Variants in QTMAN observed in about 807,000 individuals in gnomAD.
QTMAN encodes the protein tRNA-queuosine alpha-mannosyltransferase.
the QTMAN span, among the ~76,000 whole-genome samples, chr2:144,231,410 G>A: frequency 3.9e-5 from 6 of 151,978 alleles, 1 homozygote; most frequent in South Asian, 1.2e-3. Context: ...ATTCAATTTT[G>A]CTGTTATCTC....
At chr2:144,148,939 T>A in the QTMAN span, among the ~76,000 whole-genome samples, 1 of 151,916 alleles carries the variant, frequency 6.6e-6, no homozygotes, top group South Asian at 2.1e-4. Context: ...CCATCATCTC[T>A]TTGCTTTTCT....
At chr2:144,330,431 T>C in the QTMAN span, among the ~76,000 whole-genome samples, 1 of 152,196 alleles carries the variant, frequency 6.6e-6, no homozygotes, top group Non-Finnish European at 1.5e-5. Context: ...AAATGACACA[T>C]GACTAAACCA....
chr2:144,108,332 AC>A, the QTMAN span, among the ~76,000 whole-genome samples: 1 of 152,186 alleles, frequency 6.6e-6, no homozygotes, highest in Non-Finnish European at 1.5e-5. Flanking sequence ...TTTGCAGATG[AC>A]ATGATTGTAT....
chr2:144,233,777 T>C, the QTMAN span, among the ~76,000 whole-genome samples: 2 of 152,168 alleles, frequency 1.3e-5, no homozygotes, highest in African/African-American at 4.8e-5. Flanking sequence ...AGAAACAAAG[T>C]TATGCCGAAG....
At chr2:144,273,105 T>C in the QTMAN span, among the ~76,000 whole-genome samples, 2 of 152,140 alleles carry the variant, frequency 1.3e-5, no homozygotes, top group East Asian at 3.8e-4. Flanking sequence ...ACCTTTCTAC[T>C]TCAGAAAGCT....
At chr2:143,959,973 T>G in the QTMAN span, among the ~76,000 whole-genome samples, 1 of 152,048 alleles carries the variant, frequency 6.6e-6, no homozygotes, top group Non-Finnish European at 1.5e-5. Flanking sequence ...AAAAAGAAAT[T>G]AAATCAGAAA....
chr2:144,208,477 T>G, the QTMAN span: 1 of 748,962 alleles, frequency 1.3e-6, no homozygotes, highest in South Asian at 1.9e-5. Flanking sequence ...TAAAGAAATA[T>G]CTACTATAGT....
the QTMAN span, among the ~76,000 whole-genome samples, chr2:144,123,890 T>C: frequency 6.6e-5 from 10 of 152,210 alleles, no homozygotes; most frequent in African/African-American, 2.4e-4. Flanking sequence ...GACAAAGATA[T>C]AGGATCTAGA....
the QTMAN span, among the ~76,000 whole-genome samples, chr2:143,949,684 C>T: frequency 6.6e-6 from 1 of 151,862 alleles, no homozygotes; most frequent in Non-Finnish European, 1.5e-5. Flanking sequence ...AAAAGATCCT[C>T]TCCGACTGCA....
the QTMAN span, among the ~76,000 whole-genome samples, chr2:144,162,914 G>C: frequency 2.0e-5 from 3 of 152,252 alleles, no homozygotes; most frequent in African/African-American, 7.2e-5. Flanking sequence ...CCCAGCTAGG[G>C]AAAGCCAAAG....
chr2:144,181,831 A>C, the QTMAN span, among the ~76,000 whole-genome samples: 35 of 152,246 alleles, frequency 2.3e-4, no homozygotes, highest in Middle Eastern at 3.4e-3. Flanking sequence ...ATCAATCAAT[A>C]AATAAAAAAT....
the QTMAN span, among the ~76,000 whole-genome samples, chr2:144,187,764 G>A: frequency 1.2e-4 from 19 of 152,236 alleles, no homozygotes; most frequent in Non-Finnish European, 2.5e-4. Flanking sequence ...GATGTAGTGG[G>A]TTGAAATGTA....
chr2:144,060,458 G>A, the QTMAN span, among the ~76,000 whole-genome samples: 8 of 152,042 alleles, frequency 5.3e-5, no homozygotes, highest in African/African-American at 1.9e-4. Context: ...ACAGGGTTTC[G>A]CCATGTTGGC....
chr2:144,024,569 C>T, the QTMAN span, among the ~76,000 whole-genome samples: 1 of 152,154 alleles, frequency 6.6e-6, no homozygotes, highest in Non-Finnish European at 1.5e-5. Flanking sequence ...AACAGATCAG[C>T]TATTGCTTAA....
At chr2:143,972,140 C>T in the QTMAN span, among the ~76,000 whole-genome samples, 1 of 152,100 alleles carries the variant, frequency 6.6e-6, no homozygotes, top group Non-Finnish European at 1.5e-5. Flanking sequence ...CTGGATAGTT[C>T]TCACAGGTAC....
chr2:144,023,904 C>T, the QTMAN span, among the ~76,000 whole-genome samples: 1 of 152,164 alleles, frequency 6.6e-6, no homozygotes, highest in African/African-American at 2.4e-5. Flanking sequence ...TATTGAGAGT[C>T]TGCATGGGCT....
the QTMAN span, among the ~76,000 whole-genome samples, chr2:144,242,960 TAAA>T: frequency 0.054 from 4,170 of 77,450 alleles, 93 homozygotes; most frequent in South Asian, 0.13. Context: ...AGACTCTACT[TAAA>T]AAAAAAAAAA....
the QTMAN span, among the ~76,000 whole-genome samples, chr2:144,106,973 C>T: frequency 6.6e-6 from 1 of 152,202 alleles, no homozygotes; most frequent in Non-Finnish European, 1.5e-5. Flanking sequence ...CTCTCTACTA[C>T]ATGGAAACTG....
At chr2:144,027,124 T>C in the QTMAN span, among the ~76,000 whole-genome samples, 1 of 152,314 alleles carries the variant, frequency 6.6e-6, no homozygotes, top group East Asian at 1.9e-4. Flanking sequence ...GGCAAGATGG[T>C]TCTCCTCCAA....
Sources: allele counts gnomAD v4.1 joint callset (sites outside exome capture counted in the v4.1 genomes callset), GRCh38; gene constraint gnomAD v4.1.1; transcripts MANE v1.5; gene names NCBI Gene and HGNC (gene_info 2026-07-23, HGNC 2026-07-21).